GLYCTK: variants seen among roughly 807,000 people sequenced by gnomAD.
GLYCTK encodes the protein HBeAg binding protein 4.
Under a neutral mutation model 24.8 loss-of-function variants are expected in GLYCTK, and 22 were observed. The ratio of observed to expected loss-of-function variants is 0.89; its 90% CI spans 0.63 to 1.27. The LOEUF (loss-of-function observed/expected upper bound fraction) is 1.27, where lower values mean the gene tolerates loss of function less well. GLYCTK is among the 50% of genes most tolerant of loss of function. GLYCTK has a pLI of 0.00. For missense variants in GLYCTK, 684 were observed against 686.7 expected, an observed-to-expected ratio of 1.00 and a Z score of 0.04; for synonymous variants, 320 against 297.2, an observed-to-expected ratio of 1.08 and a Z score of -0.79.
rs1038374241 is a variant in GLYCTK at position 52,293,800 on chromosome 3, C to A, written c.*674C>A. 2.2e-6 allele frequency: 1 copy of A among 453,982 alleles called. No homozygotes were observed. Among genetic ancestry groups the A allele is most frequent in the Non-Finnish European group, 4.4e-6 (1 of 226,692 alleles). 28.1% of individuals were successfully genotyped at this position (453,982 alleles called of 1,614,324 possible). A position where few individuals can be genotyped will look rare whatever the true frequency, so the allele number is the denominator to read the frequency against. ...CCATGGCACTGTCACCATGGCTTCT[C>A]CAGCCTCAGCTTGTAGGCCTCGTTG... On this transcript the variant is annotated 3_prime_UTR_variant, in exon 5 of 5. Transcript: ENST00000436784.
Position 52,294,538 on chromosome 3 carries a change from C to A in GLYCTK, c.*1412C>A. ...AAACGTGGTAAGCGGGCTCTGGGGA[C>A]CAGGGAGGTTTAGGAAAAGGGGAGC... On this transcript the variant is annotated 3_prime_UTR_variant, in exon 5 of 5. Transcript: ENST00000436784. 1 of 381,848 alleles carries A rather than the reference C, an allele frequency of 2.6e-6. No homozygotes were observed. Among genetic ancestry groups the A allele is most frequent in the Admixed American group, 3.2e-5 (1 of 31,296 alleles). The allele number at this position is 381,848 out of a possible 1,614,324, so 23.7% of individuals were successfully genotyped here. A position where few individuals can be genotyped will look rare whatever the true frequency, so the allele number is the denominator to read the frequency against.
intron 3 of GLYCTK, chr3:52,291,319 C>T (rs1488232316): frequency 1.6e-6 from 1 of 626,138 alleles, no homozygotes; most frequent in Non-Finnish European, 2.8e-6. Flanking sequence ...CCTGAGCTGA[C>T]CTTTTCGGTG....
At position 52,292,596 on chromosome 3, in the gene GLYCTK, T is replaced by C; in HGVS notation, c.1042T>C (p.Tyr348His). 6.2e-7 allele frequency: 1 copy of C among 1,613,734 alleles called. No individual in the cohort carries two copies. Among genetic ancestry groups the C allele is most frequent in the Non-Finnish European group, 8.5e-7 (1 of 1,179,822 alleles). Residue 348 changes from tyrosine (Y) to histidine (H), a missense_variant, in exon 5 of 5, where the codon TAC (tyrosine) becomes CAC (histidine). By Grantham distance (83) the Tyr-to-His change is moderately conservative (BLOSUM62 2). Coordinates refer to ENST00000436784, the MANE Select transcript of GLYCTK (RefSeq NM_145262.4). Reference sequence around the variant, plus strand: ...TGATGTAAAAAGTATGGCCCAGTTCTACGGGCTGCTGGCCCATGTGGCTAG... The same window carrying C: ...TGATGTAAAAAGTATGGCCCAGTTCCACGGGCTGCTGGCCCATGTGGCTAG... ...QGDVKSMAQF[Y>H]GLLAHVARTR...
chr3:52,293,055 C>T lies in GLYCTK; in HGVS notation c.1501C>T (p.His501Tyr), dbSNP rs144669248. 6 of 1,613,992 alleles carry T rather than the reference C, an allele frequency of 3.7e-6. No individual in the cohort carries two copies. The highest frequency in any genetic ancestry group is 2.7e-5 in the African/African-American group (2 of 74,926). Residue 501 changes from histidine (H) to tyrosine (Y), a missense_variant, in exon 5 of 5, where the codon CAC becomes TAC. Coordinates refer to ENST00000436784, the MANE Select transcript of GLYCTK (RefSeq NM_145262.4). ...CTTCTGCTGCCTCCAGGGTGGGGCA[C>T]ACCTGCTGCACACAGGGATGACAGG... ...TFFCCLQGGA[H>Y]LLHTGMTGTN...
chr3:52,289,789 T>G (rs1048223074), intron 1 of GLYCTK, among the ~76,000 whole-genome samples: 7 of 152,120 alleles, frequency 4.6e-5, no homozygotes, highest in African/African-American at 1.4e-4. Flanking sequence ...CATGAGATAA[T>G]GAAATAGAGA....
At position 52,291,121 on chromosome 3, in the gene GLYCTK, C is replaced by T. The variant is rs751406166; in HGVS notation, c.529+10C>T. 244 of 1,607,892 alleles carry T rather than the reference C, an allele frequency of 1.5e-4. No individual in the cohort carries two copies. Among genetic ancestry groups the T allele is most frequent in the Non-Finnish European group, 1.9e-4 (229 of 1,179,906 alleles). On this transcript the variant is annotated intron_variant, in intron 3 of 4. Coordinates refer to ENST00000436784, the MANE Select transcript of GLYCTK (RefSeq NM_145262.4). ...CTCGTGCTGATCTCAGGTGTGGTAC[C>T]ACATTGGCCCAAGACTGTTGGTGGG...
In GLYCTK at chr3:52,292,314, A is replaced by G; in HGVS notation, c.760A>G (p.Ser254Gly). ...VVGDPVEVIA[S>G]GPTVASSHNV... ...GGGGGACCCTGTGGAGGTGATTGCC[A>G]GTGGCCCCACCGTGGCCAGTTCCCA... The change falls in exon 5 of 5, where the codon AGT (serine) becomes GGT (glycine). Residue 254 changes from serine to glycine, a missense_variant. Physicochemically the swap from Ser to Gly is moderately conservative, Grantham distance 56. Coordinates refer to ENST00000436784, the MANE Select transcript of GLYCTK (RefSeq NM_145262.4). 1 of 1,613,942 alleles carries G rather than the reference A, an allele frequency of 6.2e-7. No individual in the cohort carries two copies. The highest frequency in any genetic ancestry group is 8.5e-7 in the Non-Finnish European group (1 of 1,179,960).
Position 52,293,952 on chromosome 3 carries a change from A to C in GLYCTK, c.*826A>C, listed in dbSNP as rs1251820342. ...CCCTTGTCCTAGGCTGAACATCCCT[A>C]GTTCCTTCAGCCACTCCTCTGGGGA... On this transcript the variant is annotated 3_prime_UTR_variant, in exon 5 of 5. Coordinates refer to ENST00000436784, the MANE Select transcript of GLYCTK (RefSeq NM_145262.4). The C allele has an allele frequency of 2.2e-6, 1 of 449,548 alleles. No homozygotes were observed. The allele number at this position is 449,548 out of a possible 1,614,324, so 27.8% of individuals were successfully genotyped here. A position where few individuals can be genotyped will look rare whatever the true frequency, so the allele number is the denominator to read the frequency against.
At position 52,295,037 on chromosome 3, in the gene GLYCTK, A is replaced by C. The variant is rs1020380140; in HGVS notation, c.*1911A>C. ...TGCTCTACATTGACCCCTTCCCTAT[A>C]CTTCTGTTTGTAGGGGCTGGGAGGC... On this transcript the variant is annotated 3_prime_UTR_variant, in exon 5 of 5. Transcript: ENST00000436784. 2.2e-6 allele frequency: 1 copy of C among 453,806 alleles called. No individual in the cohort carries two copies. The highest frequency in any genetic ancestry group is 2.0e-5 in the African/African-American group (1 of 50,002). The allele number at this position is 453,806 out of a possible 1,614,324, so 28.1% of individuals were successfully genotyped here.
chr3:52,290,539 G>C lies in GLYCTK; in HGVS notation c.197G>C (p.Arg66Thr). Residue 66 changes from arginine (R) to threonine (T), a missense_variant, in exon 2 of 5, where the codon AGA becomes ACA. Arg to Thr is a moderately conservative substitution (Grantham distance 71). Coordinates refer to ENST00000436784, the MANE Select transcript of GLYCTK (RefSeq NM_145262.4). ...GCACTATCCTTGGACCCTGGTGGCA[G>C]ACAGCTGAAGGTGCGGGACCGGAAC... ...HRALSLDPGG[R>T]QLKVRDRNFQ... The C allele has an allele frequency of 6.2e-7, 1 of 1,613,684 alleles. No homozygotes were observed. Among genetic ancestry groups the C allele is most frequent in the South Asian group, 1.1e-5 (1 of 91,088 alleles).
At position 52,291,886 on chromosome 3, in the gene GLYCTK, G is replaced by A; in HGVS notation, c.669G>A (p.Lys223=). 1.2e-6 allele frequency: 2 copies of A among 1,613,686 alleles called. No individual in the cohort carries two copies. Among genetic ancestry groups the A allele is most frequent in the South Asian group, 1.1e-5 (1 of 91,086 alleles). The change falls in exon 4 of 5, where the codon AAG becomes AAA. Residue 223 remains lysine (K), a synonymous_variant. Coordinates refer to ENST00000436784, the MANE Select transcript of GLYCTK (RefSeq NM_145262.4). ...NTIRKALSQL[K]GGGLAQAAYP... is the part of the protein sequence containing the mutation. ...TTCGGAAGGCCCTGTCCCAGCTCAA[G>A]GGTGGGGGGCTGGCTCAGGCCGCCT...
Position 52,294,625 on chromosome 3 carries a change from T to G in GLYCTK, c.*1499T>G, listed in dbSNP as rs1204545590. 1.1e-5 allele frequency: 5 copies of G among 442,812 alleles called. No individual in the cohort carries two copies. The highest frequency in any genetic ancestry group is 2.0e-5 in the African/African-American group (1 of 49,580). 27.4% of individuals were successfully genotyped at this position (442,812 alleles called of 1,614,324 possible). ...TCCTTCTGTGCTGGCATGGAGTTCC[T>G]GCTGACTAGGGTCACAGTCTCTGGG... On this transcript the variant is annotated 3_prime_UTR_variant, in exon 5 of 5. Coordinates refer to ENST00000436784, the MANE Select transcript of GLYCTK (RefSeq NM_145262.4).
In GLYCTK at chr3:52,291,538, G is replaced by A. The variant is rs9836166; in HGVS notation, c.530-209G>A. The A allele has an allele frequency of 4.0e-3, 2,416 of 596,960 alleles. 47 individuals are homozygous for A. Among genetic ancestry groups the A allele is most frequent in the African/African-American group, 0.039 (2,116 of 53,868 alleles). 37.0% of individuals were successfully genotyped at this position (596,960 alleles called of 1,614,324 possible). A position where few individuals can be genotyped will look rare whatever the true frequency, so the allele number is the denominator to read the frequency against. ...CTCTTAAGGAGTAGTTAGTTCTTCC[G>A]GTGCCTACTGGGACCTGGGGTACCC... is the stretch of plus-strand genomic sequence containing the variant. On this transcript the variant is annotated intron_variant, in intron 3 of 4. Coordinates refer to ENST00000436784, the MANE Select transcript of GLYCTK (RefSeq NM_145262.4).
rs377754882 is a variant in GLYCTK, at chr3:52,291,830, C to G, written c.613C>G (p.Arg205Gly). 3 of 1,613,764 alleles carry G rather than the reference C, an allele frequency of 1.9e-6. No individual in the cohort carries two copies. The highest frequency in any genetic ancestry group is 2.5e-6 in the Non-Finnish European group (3 of 1,180,016). Residue 205 changes from arginine to glycine, a missense_variant, in exon 4 of 5, where the codon CGT (arginine) becomes GGT (glycine). Transcript: ENST00000436784. Reference sequence around the variant, plus strand: ...GACACTCACTAGACTGCTGGCAGCCCGTGGAGCCACCATCCAGGAGTTGAA... The same window carrying G: ...GACACTCACTAGACTGCTGGCAGCCGGTGGAGCCACCATCCAGGAGTTGAA... The part of the protein sequence containing the change: ...KQTLTRLLAA[R>G]GATIQELNTI...
In GLYCTK at chr3:52,293,822, G is replaced by A. The variant is rs370188549; in HGVS notation, c.*696G>A. The A allele has an allele frequency of 4.2e-5, 19 of 454,074 alleles. No individual in the cohort carries two copies. Among genetic ancestry groups the A allele is most frequent in the Middle Eastern group, 6.9e-4 (1 of 1,444 alleles). 28.1% of individuals were successfully genotyped at this position (454,074 alleles called of 1,614,324 possible). ...TCTCCAGCCTCAGCTTGTAGGCCTC[G>A]TTGGATGGATGTCCTTTCTGTCTTT... On this transcript the variant is annotated 3_prime_UTR_variant, in exon 5 of 5. Coordinates refer to ENST00000436784, the MANE Select transcript of GLYCTK (RefSeq NM_145262.4).
At chr3:52,290,237 G>C in intron 1 of GLYCTK, 67 bp from the exon 2 acceptor site, 1 of 1,360,114 alleles carries the variant, frequency 7.4e-7, no homozygotes, top group South Asian at 1.4e-5. Context: ...AGCCCTCAGA[G>C]GGGCGGCCGT....
Position 52,292,686 on chromosome 3 carries a change from G to A in GLYCTK, c.1132G>A (p.Ala378Thr), listed in dbSNP as rs1186216170. ...VEEDAQLHEL[A>T]AELQIPDLQL... is the part of the protein sequence containing the mutation. ...GGAAGATGCACAGCTCCATGAGCTG[G>A]CAGCTGAGCTTCAGATCCCAGACCT... Residue 378 changes from alanine (A) to threonine (T), a missense_variant, in exon 5 of 5, where the codon GCA (alanine) becomes ACA (threonine). Transcript: ENST00000436784. The A allele has an allele frequency of 5.0e-6, 8 of 1,606,374 alleles. No individual in the cohort carries two copies. The highest frequency in any genetic ancestry group is 1.7e-5 in the Admixed American group (1 of 59,722).
intron 1 of GLYCTK, chr3:52,289,062 A>G (rs1239377029): frequency 1.3e-5 from 2 of 151,770 alleles, no homozygotes; most frequent in East Asian, 1.9e-4. Context: ...GGAAGAGCGT[A>G]GTGTTAATCT....
At chr3:52,290,076 C>T in intron 1 of GLYCTK, 1 of 546,516 alleles carries the variant, frequency 1.8e-6, no homozygotes, top group South Asian at 2.5e-5. Flanking sequence ...AGAGGGCCGG[C>T]ATGTGGTCTG....
Sources: gnomAD v4.1 joint callset for allele counts (sites outside exome capture counted in the v4.1 genomes callset) on GRCh38, gnomAD v4.1.1 for gene constraint, MANE v1.5 for transcripts, NCBI Gene and HGNC (gene_info 2026-07-23, HGNC 2026-07-21) for gene names.